RPH3A: variants seen among roughly 807,000 people sequenced by gnomAD.
RPH3A encodes the protein rabphilin-3A.
A neutral mutation model predicts 102.2 loss-of-function variants in RPH3A; 48 were observed. The ratio of observed to expected loss-of-function variants is 0.47; its 90% confidence interval spans 0.37 to 0.60. The LOEUF is 0.60. Ranked by LOEUF, RPH3A falls within the 20% of genes least tolerant of loss-of-function variation. RPH3A has a pLI of 0.00. For missense variants in RPH3A, 781 were observed against 910.1 expected, an observed-to-expected ratio of 0.86 and a Z score of 1.83; for synonymous variants, 310 against 324.3, an observed-to-expected ratio of 0.96 and a Z score of 0.47.
rs2041110015 is a variant in RPH3A at position 112,791,845 on chromosome 12, G to T, written c.-307G>T. 1.2e-5 allele frequency: 1 copy of T among 82,704 alleles called. No homozygotes were observed. The highest frequency in any genetic ancestry group is 2.4e-5 in the Non-Finnish European group (1 of 41,706). The allele number at this position is 82,704 out of a possible 1,614,324, so 5.1% of individuals were successfully genotyped here. ...GCCAGCAGCCCGGAGTTGCCTACGC[G>T]GACTGGAAAGGAAGGGAGAAGGGAG... is the stretch of plus-strand genomic sequence containing the variant. On this transcript the variant is annotated 5_prime_UTR_variant, in exon 1 of 22. Coordinates refer to ENST00000389385, the MANE Select transcript of RPH3A (RefSeq NM_001143854.2).
At chr12:112,658,552 A>T (rs2040029012) in intron 1 of RPH3A, among the ~76,000 whole-genome samples, 1 of 152,218 alleles carries the variant, frequency 6.6e-6, no homozygotes, top group Admixed American at 6.5e-5. Context: ...GGACAAAGGC[A>T]GGGAGACCCA....
intron 1 of RPH3A, among the ~76,000 whole-genome samples, chr12:112,643,989 C>A (rs2039908742): frequency 6.6e-6 from 1 of 152,202 alleles, no homozygotes; most frequent in African/African-American, 2.4e-5. Flanking sequence ...AGCATGTCTT[C>A]TGCAGCAATG....
intron 14 of RPH3A, 136 bp from the exon 15 acceptor site, chr12:112,881,636 T>C (rs2042914127): frequency 1.8e-6 from 1 of 569,570 alleles, no homozygotes; most frequent in Admixed American, 2.7e-5. Flanking sequence ...GCATTTCCCT[T>C]CTCTCTCTTT....
Position 112,771,086 on chromosome 12 carries a change from A to T in RPH3A, c.-139-21057A>T, listed in dbSNP as rs145181171. 3.3e-5 allele frequency among the ~76,000 whole-genome samples: 5 copies of T among 152,290 alleles called. No individual in the cohort carries two copies. In the East Asian group the frequency reaches 9.6e-4, roughly 29 times the overall value. ...GAATACAAGGTTAAACCCTTCCCCC[A>T]CATCTGTTCCCTAATTTTCTTGCTA... On this transcript the variant is annotated intron_variant, in intron 1 of 21. Transcript: ENST00000543106.
intron 1 of RPH3A, among the ~76,000 whole-genome samples, chr12:112,704,193 A>G (rs2040413511): frequency 6.6e-6 from 1 of 152,010 alleles, no homozygotes; most frequent in Non-Finnish European, 1.5e-5. Context: ...GGTTCAAGCA[A>G]TTCTCATGCC....
At chr12:112,864,399 C>A (rs1263054186) in intron 5 of RPH3A, among the ~76,000 whole-genome samples, 3 of 149,600 alleles carry the variant, frequency 2.0e-5, no homozygotes, top group Non-Finnish European at 4.4e-5. Context: ...TGCAGTGAGC[C>A]CAGATCGCGC....
At chr12:112,694,474 A>C (rs2040330319) in intron 1 of RPH3A, among the ~76,000 whole-genome samples, 2 of 152,204 alleles carry the variant, frequency 1.3e-5, no homozygotes, top group South Asian at 4.2e-4. Context: ...TGACACTCTT[A>C]CCACTGGCTG....
At chr12:112,868,926 C>T in intron 8 of RPH3A, 1 of 227,072 alleles carries the variant, frequency 4.4e-6, no homozygotes. Context: ...TGGGAGAATA[C>T]TCGGCTTGCT....
chr12:112,725,773 TTG>T, intron 1 of RPH3A, among the ~76,000 whole-genome samples: 1 of 46,142 alleles, frequency 2.2e-5, no homozygotes, highest in Non-Finnish European at 5.0e-5. Flanking sequence ...GTTTTTGTTG[TTG>T]TTGTTGTTGT....
chr12:112,577,432 T>C (rs957108027), intron 1 of RPH3A, among the ~76,000 whole-genome samples: 7 of 152,324 alleles, frequency 4.6e-5, no homozygotes, highest in Admixed American at 1.3e-4. Context: ...TAATGCATTG[T>C]AATTAGCGTA....
intron 9 of RPH3A, 23 bp from the exon 10 acceptor site, chr12:112,869,870 T>C (rs1441077833): frequency 1.9e-6 from 3 of 1,614,004 alleles, no homozygotes; most frequent in Non-Finnish European, 2.5e-6. Context: ...CTTTCTCTAC[T>C]CAATTCATGC....
chr12:112,755,215 AC>A (rs2040814139), intron 1 of RPH3A, among the ~76,000 whole-genome samples: 1 of 151,822 alleles, frequency 6.6e-6, no homozygotes, highest in Admixed American at 6.6e-5. Flanking sequence ...CTCCCCAGTC[AC>A]CTAGTCCAGG....
Position 112,862,211 on chromosome 12 carries a change from G to T in RPH3A, c.231-3203G>T, listed in dbSNP as rs191456969. Among the ~76,000 whole-genome samples, 668 of 151,080 alleles carry T rather than the reference G, an allele frequency of 4.4e-3. 4 individuals are homozygous for T. Among genetic ancestry groups the T allele is most frequent in the South Asian group, 0.018 (86 of 4,784 alleles). ...TGTAAGATCGTACCATTGCACTTCA[G>T]TCTGGGCCACAGAGTGAGACTCAGT... On this transcript the variant is annotated intron_variant, in intron 5 of 21. Coordinates refer to ENST00000389385, the MANE Select transcript of RPH3A (RefSeq NM_001143854.2).
chr12:112,756,968 A>T lies in RPH3A; in HGVS notation c.-139-35175A>T, dbSNP rs144012697. Reference sequence around the variant, plus strand: ...CTATTTCAGTGTAGTTTTACTTTGCATTTCTCTTATTTGAGTGAGACTGAG... The same window carrying T: ...CTATTTCAGTGTAGTTTTACTTTGCTTTTCTCTTATTTGAGTGAGACTGAG... On this transcript the variant is annotated intron_variant, in intron 1 of 21. Coordinates refer to the RPH3A transcript ENST00000543106. Among the ~76,000 whole-genome samples the T allele has an allele frequency of 4.7e-3, 721 of 152,230 alleles. 3 individuals carry two copies. Among genetic ancestry groups the T allele is most frequent in the African/African-American group, 0.016 (647 of 41,526 alleles).
chr12:112,875,414 G>A (rs534520584), intron 11 of RPH3A, among the ~76,000 whole-genome samples: 8 of 152,164 alleles, frequency 5.3e-5, no homozygotes, highest in East Asian at 1.9e-4. Flanking sequence ...CACCTCATTC[G>A]CCAGTGTTTC....
chr12:112,861,408 G>T (rs138933499), intron 5 of RPH3A, among the ~76,000 whole-genome samples: 65 of 152,342 alleles, frequency 4.3e-4, no homozygotes, highest in African/African-American at 1.5e-3. Flanking sequence ...CATATGTGCA[G>T]CTTGGTGCTT....
chr12:112,749,876 T>C (rs561110597), intron 1 of RPH3A, among the ~76,000 whole-genome samples: 1 of 152,284 alleles, frequency 6.6e-6, no homozygotes, highest in East Asian at 1.9e-4. Flanking sequence ...ATTAGAGTTC[T>C]CTCTTTTTGT....
At chr12:112,698,225 C>A (rs2040366684) in intron 1 of RPH3A, among the ~76,000 whole-genome samples, 1 of 152,142 alleles carries the variant, frequency 6.6e-6, no homozygotes, top group Non-Finnish European at 1.5e-5. Context: ...TGAACTTCAA[C>A]CCATATATTA....
intron 2 of RPH3A, among the ~76,000 whole-genome samples, chr12:112,805,131 GTAGCA>G (rs1265666352): frequency 3.3e-5 from 5 of 152,092 alleles, no homozygotes; most frequent in Admixed American, 3.3e-4. Context: ...GCAATGTATG[GTAGCA>G]TTTTTTTAAA....
Sources: gnomAD v4.1 joint callset for allele counts (sites outside exome capture counted in the v4.1 genomes callset) on GRCh38, gnomAD v4.1.1 for gene constraint, MANE v1.5 for transcripts, NCBI Gene and HGNC (gene_info 2026-07-23, HGNC 2026-07-21) for gene names.